PDS5B: variants seen among roughly 807,000 people sequenced by gnomAD.
PDS5B encodes the protein PDS5 cohesin associated factor B.
PDS5B carries 51 observed loss-of-function variants against 184.1 expected under a neutral mutation model. The observed-to-expected ratio is 0.28, with a 90% CI of 0.22 to 0.35. The LOEUF (loss-of-function observed/expected upper bound fraction) is 0.35, where lower values mean the gene tolerates loss of function less well. Among genes scored for constraint, PDS5B ranks in the 10% least tolerant of loss-of-function variants. PDS5B has a pLI of 1.00. For synonymous variants in PDS5B, 566 were observed against 569.2 expected (o/e 0.99, Z 0.08); for missense variants, 1,180 against 1,723.3 (o/e 0.68, Z 5.58).
chr13:32,603,374 T>G (rs1315861001), intron 1 of PDS5B, among the ~76,000 whole-genome samples: 1 of 152,260 alleles, frequency 6.6e-6, no homozygotes, highest in Non-Finnish European at 1.5e-5. Flanking sequence ...ATTTCTTGTT[T>G]TTGTCAGGTT....
At position 32,667,792 on chromosome 13, in the gene PDS5B, CA is replaced by C; in HGVS notation, c.656del (p.Lys219ArgfsTer4). The C allele has an allele frequency of 6.3e-7, 1 of 1,596,992 alleles. No homozygotes were observed. The highest frequency in any genetic ancestry group is 1.8e-5 in the Admixed American group (1 of 56,558). ...KNLNKQAYDL[A>X]KALLKRTAQA... The stretch of plus-strand genomic sequence containing the variant: ...TTAAACAAGCAAGCATATGATTTGG[CA>C]AAGGCTTTACTGAAGAGGACAGCTC... On this transcript the variant is annotated frameshift_variant, in exon 7 of 35. Coordinates refer to ENST00000315596, the MANE Select transcript of PDS5B (RefSeq NM_015032.4). LOFTEE classifies it high-confidence loss of function.
intron 3 of PDS5B, among the ~76,000 whole-genome samples, chr13:32,655,528 G>A (rs1047694339): frequency 2.0e-5 from 3 of 150,722 alleles, no homozygotes; most frequent in South Asian, 2.1e-4. Context: ...ACAGGTGCCC[G>A]TCACCACGCC....
intron 30 of PDS5B, among the ~76,000 whole-genome samples, chr13:32,762,124 T>G (rs1954426440): frequency 6.6e-6 from 1 of 152,216 alleles, no homozygotes; most frequent in African/African-American, 2.4e-5. Flanking sequence ...TCATGTCCTT[T>G]GCTCATTAAA....
At chr13:32,645,192 T>C (rs914725774) in intron 1 of PDS5B, among the ~76,000 whole-genome samples, 2 of 152,150 alleles carry the variant, frequency 1.3e-5, no homozygotes, top group Admixed American at 1.3e-4. Flanking sequence ...TTTGTTGCCC[T>C]GGCTGGTCTT....
At chr13:32,593,375 G>T (rs1292447327) in intron 1 of PDS5B, among the ~76,000 whole-genome samples, 1 of 152,164 alleles carries the variant, frequency 6.6e-6, no homozygotes, top group East Asian at 1.9e-4. Flanking sequence ...AACATAAACA[G>T]TCAGTTAACA....
At chr13:32,678,793 C>G (rs1262496372) in intron 9 of PDS5B, 42 bp from the exon 10 acceptor site, 3 of 1,068,544 alleles carry the variant, frequency 2.8e-6, no homozygotes, top group Middle Eastern at 2.0e-4. Flanking sequence ...ATGTCTGTTT[C>G]TCTTATTTTG....
chr13:32,648,374 T>C (rs1486324820), intron 1 of PDS5B, among the ~76,000 whole-genome samples: 2 of 152,230 alleles, frequency 1.3e-5, no homozygotes, highest in Admixed American at 1.3e-4. Context: ...TAAGTAGCTA[T>C]AATGTCCCAG....
At chr13:32,590,412 A>C (rs1490077342) in intron 1 of PDS5B, among the ~76,000 whole-genome samples, 2 of 152,232 alleles carry the variant, frequency 1.3e-5, no homozygotes, top group Admixed American at 6.5e-5. Context: ...TTGGCCATCC[A>C]CAGCAAGGTG....
Position 32,773,328 on chromosome 13 carries a change from T to C in PDS5B, c.4308+4T>C, listed in dbSNP as rs117964962. 8 of 1,607,858 alleles carry C rather than the reference T, an allele frequency of 5.0e-6. No individual in the cohort carries two copies. In the South Asian group the frequency reaches 5.6e-5, roughly 11 times the overall value. ...GGAGGAAGTTTCTACAGTAAATGTA[T>C]GTGTTCAAAGTTTCTGTGAGTGGTG... On this transcript the variant is annotated splice_donor_region_variant and intron_variant, in intron 34 of 34. Coordinates refer to ENST00000315596, the MANE Select transcript of PDS5B (RefSeq NM_015032.4).
At chr13:32,664,787 G>T (rs1395523969) in intron 6 of PDS5B, among the ~76,000 whole-genome samples, 1 of 152,172 alleles carries the variant, frequency 6.6e-6, no homozygotes, top group East Asian at 1.9e-4. Context: ...GGAGGTCAAG[G>T]CTGCAGTGAG....
In PDS5B at chr13:32,764,504, A is replaced by G; in HGVS notation, c.3534A>G (p.Glu1178=). The G allele has an allele frequency of 6.3e-7, 1 of 1,596,192 alleles. No individual in the cohort carries two copies. The highest frequency in any genetic ancestry group is 8.5e-7 in the Non-Finnish European group (1 of 1,170,456). The part of the protein sequence containing the change: ...GRIKGRLDSS[E]MDHSENEDYT... Reference sequence around the variant, plus strand: ...GTATTAAAAGGCTTGATAGTTCTGAAATGGATCACAGTGAAAATGAAGATT... The same window carrying G: ...GTATTAAAAGGCTTGATAGTTCTGAGATGGATCACAGTGAAAATGAAGATT... Residue 1178 remains glutamate, a synonymous_variant, in exon 31 of 35, where the codon GAA becomes GAG. Transcript: ENST00000315596.
chr13:32,609,525 T>A (rs1360785983), intron 1 of PDS5B, among the ~76,000 whole-genome samples: 1 of 152,236 alleles, frequency 6.6e-6, no homozygotes, highest in Non-Finnish European at 1.5e-5. Context: ...GAACCAAGCT[T>A]GCTTGCTTGC....
intron 29 of PDS5B, 26 bp from the exon 30 acceptor site, chr13:32,760,549 A>T (rs1431327899): frequency 1.2e-6 from 2 of 1,608,100 alleles, no homozygotes; most frequent in Middle Eastern, 1.7e-4. Context: ...AACCAAATAA[A>T]AAGAGATGTG....
In PDS5B at chr13:32,758,197, C is replaced by A; in HGVS notation, c.3167C>A (p.Pro1056Gln). The change falls in exon 27 of 35, where the codon CCA becomes CAA. Residue 1056 changes from proline to glutamine, a missense_variant. Around this residue, in one of 11 missense-constraint regions of PDS5B, gnomAD observed 465 missense variants for 497.8 expected, o/e 0.93. Coordinates refer to ENST00000315596, the MANE Select transcript of PDS5B (RefSeq NM_015032.4). Reference protein sequence around the residue: ...NIKQTKDAQGPDDAKMNEKLY... With the variant: ...NIKQTKDAQGQDDAKMNEKLY... ...AAACAAACAAAAGATGCCCAAGGAC[C>A]AGATGATGCAAAAATGAATGAAGTA... 1 of 1,532,976 alleles carries A rather than the reference C, an allele frequency of 6.5e-7. No individual in the cohort carries two copies. The highest frequency in any genetic ancestry group is 8.8e-7 in the Non-Finnish European group (1 of 1,130,356). 95.0% of individuals were successfully genotyped at this position (1,532,976 alleles called of 1,614,324 possible). A position where few individuals can be genotyped will look rare whatever the true frequency, so the allele number is the denominator to read the frequency against.
intron 1 of PDS5B, among the ~76,000 whole-genome samples, chr13:32,625,826 G>T (rs897082996): frequency 2.0e-5 from 3 of 148,140 alleles, no homozygotes; most frequent in Non-Finnish European, 4.5e-5. Context: ...TGAAGCAGCT[G>T]AGACCAGTAT....
intron 25 of PDS5B, among the ~76,000 whole-genome samples, chr13:32,754,600 T>C (rs2141001355): frequency 6.6e-6 from 1 of 152,202 alleles, no homozygotes; most frequent in Middle Eastern, 3.4e-3. Context: ...TTTCCTTCCT[T>C]ACGCTGGAAA....
At position 32,740,989 on chromosome 13, in the gene PDS5B, G is replaced by A. The variant is rs1953522106; in HGVS notation, c.2407-91G>A. 2.5e-5 allele frequency: 19 copies of A among 746,500 alleles called. No homozygotes were observed. In the South Asian group the frequency reaches 3.1e-4, roughly 12 times the overall value. The allele number at this position is 746,500 out of a possible 1,614,324, so 46.2% of individuals were successfully genotyped here. On this transcript the variant is annotated intron_variant, in intron 21 of 34. Coordinates refer to ENST00000315596, the MANE Select transcript of PDS5B (RefSeq NM_015032.4). ...AACAAATGTCACTGCAGAAGGTACA[G>A]ATTTCATTCATTTTCTAAGTGCTAA...
chr13:32,603,039 T>C (rs558534118), intron 1 of PDS5B, among the ~76,000 whole-genome samples: 1 of 152,354 alleles, frequency 6.6e-6, no homozygotes, highest in South Asian at 2.1e-4. Context: ...TCCCATTCTG[T>C]AGGTTGCCTG....
chr13:32,661,755 A>T (rs1950655092), intron 6 of PDS5B, among the ~76,000 whole-genome samples: 1 of 152,150 alleles, frequency 6.6e-6, no homozygotes, highest in African/African-American at 2.4e-5. Flanking sequence ...CTGAAAGAGA[A>T]ATCATATATA....
Sources: allele counts gnomAD v4.1 joint callset (sites outside exome capture counted in the v4.1 genomes callset), GRCh38; gene constraint gnomAD v4.1.1; regional missense constraint gnomAD v4.1.1; transcripts MANE v1.5; gene names NCBI Gene and HGNC (gene_info 2026-07-23, HGNC 2026-07-21).